Variants in FBXL20 observed in about 807,000 individuals in gnomAD.
FBXL20 encodes the protein F-box/LRR-repeat protein 20.
A neutral mutation model predicts 64.0 loss-of-function variants in FBXL20; 11 were observed. That is an observed-to-expected ratio of 0.17 (90% confidence interval 0.11 to 0.28). The LOEUF (loss-of-function observed/expected upper bound fraction) is 0.28, where lower values mean the gene tolerates loss of function less well. Ranked by LOEUF, FBXL20 falls within the 10% of genes least tolerant of loss-of-function variation. The probability of loss-of-function intolerance (pLI) is 1.00; values close to 1 mark genes in which losing one functional copy is unlikely to be tolerated. For synonymous variants in FBXL20, 184 were observed against 189.0 expected, an observed-to-expected ratio of 0.97 and a Z score of 0.22; for missense variants, 303 against 526.2, an observed-to-expected ratio of 0.58 and a Z score of 4.15.
chr17:39,369,249 T>C (rs928387619), intron 1 of FBXL20, among the ~76,000 whole-genome samples: 6 of 147,852 alleles, frequency 4.1e-5, no homozygotes, highest in African/African-American at 1.5e-4. Context: ...AGAATTAGAA[T>C]TCAATGCTTT....
intron 2 of FBXL20, among the ~76,000 whole-genome samples, chr17:39,329,683 C>G (rs1297626216): frequency 6.6e-6 from 1 of 151,928 alleles, no homozygotes; most frequent in Non-Finnish European, 1.5e-5. Flanking sequence ...TAACTTATCT[C>G]TAATGGTTCA....
At chr17:39,323,404 T>A (rs1265851754) in intron 2 of FBXL20, among the ~76,000 whole-genome samples, 1 of 152,180 alleles carries the variant, frequency 6.6e-6, no homozygotes, top group East Asian at 1.9e-4. Context: ...GAAGCATATA[T>A]TCTTGTTGAA....
intron 2 of FBXL20, among the ~76,000 whole-genome samples, chr17:39,309,311 A>G (rs2047210541): frequency 6.6e-6 from 1 of 152,156 alleles, no homozygotes; most frequent in African/African-American, 2.4e-5. Flanking sequence ...ATTCAGACTG[A>G]GTCCTGAATT....
At chr17:39,376,693 G>A (rs2047970331) in intron 1 of FBXL20, among the ~76,000 whole-genome samples, 1 of 152,184 alleles carries the variant, frequency 6.6e-6, no homozygotes, top group Non-Finnish European at 1.5e-5. Flanking sequence ...TTTTTGTACA[G>A]TCATTAGCTG....
At chr17:39,300,422 T>C (rs1375741365) in intron 4 of FBXL20, among the ~76,000 whole-genome samples, 1 of 152,184 alleles carries the variant, frequency 6.6e-6, no homozygotes, top group Non-Finnish European at 1.5e-5. Flanking sequence ...TCAAATTCAG[T>C]TTAAAATAAT....
chr17:39,334,155 A>G (rs1165739715), intron 2 of FBXL20, among the ~76,000 whole-genome samples: 1 of 152,090 alleles, frequency 6.6e-6, no homozygotes, highest in African/African-American at 2.4e-5. Flanking sequence ...GGATGTTGTT[A>G]ATCTATAACC....
intron 1 of FBXL20, among the ~76,000 whole-genome samples, chr17:39,373,842 A>C (rs567524781): frequency 1.4e-4 from 22 of 152,326 alleles, no homozygotes; most frequent in Non-Finnish European, 3.1e-4. Flanking sequence ...TTTCAACTAA[A>C]AGTGAAGATG....
intron 9 of FBXL20, among the ~76,000 whole-genome samples, chr17:39,278,056 A>C (rs1293714392): frequency 6.6e-6 from 1 of 152,180 alleles, no homozygotes; most frequent in Non-Finnish European, 1.5e-5. Context: ...AAATGTACAT[A>C]TTTATGTCTA....
At chr17:39,363,488 T>C (rs2047819823) in intron 1 of FBXL20, among the ~76,000 whole-genome samples, 1 of 151,970 alleles carries the variant, frequency 6.6e-6, no homozygotes, top group Non-Finnish European at 1.5e-5. Context: ...TATCTGAGTG[T>C]TTATAAATTA....
intron 6 of FBXL20, among the ~76,000 whole-genome samples, chr17:39,295,228 A>G (rs2047073865): frequency 2.6e-5 from 4 of 152,188 alleles, no homozygotes; most frequent in Admixed American, 2.0e-4. Context: ...AGTCAGCAGA[A>G]GTAATTTCTC....
intron 7 of FBXL20, among the ~76,000 whole-genome samples, chr17:39,283,642 A>C (rs2046966267): frequency 6.6e-6 from 1 of 151,914 alleles, no homozygotes; most frequent in African/African-American, 2.4e-5. Context: ...AGCCTTTTAA[A>C]CTTTTATTTT....
At chr17:39,295,171 G>A (rs973792212) in intron 6 of FBXL20, among the ~76,000 whole-genome samples, 5 of 152,080 alleles carry the variant, frequency 3.3e-5, no homozygotes, top group Non-Finnish European at 7.4e-5. Context: ...CTCATTACAC[G>A]TTTTTGTCTA....
chr17:39,371,511 C>A (rs1036492016), intron 1 of FBXL20, among the ~76,000 whole-genome samples: 2 of 152,094 alleles, frequency 1.3e-5, no homozygotes, highest in Non-Finnish European at 2.9e-5. Flanking sequence ...ATTGTATAGA[C>A]TTCTCACTTA....
chr17:39,379,589 G>A (rs998251414), intron 1 of FBXL20, among the ~76,000 whole-genome samples: 4 of 151,422 alleles, frequency 2.6e-5, no homozygotes, highest in Admixed American at 6.6e-5. Context: ...AGACCAGCCC[G>A]GGCTACACAG....
intron 1 of FBXL20, among the ~76,000 whole-genome samples, chr17:39,371,817 C>T (rs566026143): frequency 6.6e-6 from 1 of 152,074 alleles, no homozygotes; most frequent in African/African-American, 2.4e-5. Flanking sequence ...CGCGCCACCT[C>T]GCCCAGCTAA....
intron 2 of FBXL20, among the ~76,000 whole-genome samples, chr17:39,314,250 C>T (rs1040967264): frequency 3.3e-5 from 5 of 152,144 alleles, no homozygotes; most frequent in South Asian, 2.1e-4. Flanking sequence ...TGTTGTTGCA[C>T]GTATTCATAC....
upstream of FBXL20, chr17:39,402,410 G>A: frequency 2.5e-6 from 1 of 398,356 alleles, no homozygotes. Flanking sequence ...GGCGAGGGTG[G>A]TTGCGCTGAG....
chr17:39,293,308 G>T (rs144498847), intron 6 of FBXL20, among the ~76,000 whole-genome samples: 3 of 151,348 alleles, frequency 2.0e-5, no homozygotes, highest in Non-Finnish European at 4.4e-5. Flanking sequence ...TGCAACCTCC[G>T]CATCCTGGGT....
In FBXL20 at chr17:39,376,938, C is replaced by A. The variant is rs151093763; in HGVS notation, c.42+24423G>T. Among the ~76,000 whole-genome samples, 102 of 152,244 alleles carry A rather than the reference C, an allele frequency of 6.7e-4. 3 individuals carry two copies. The East Asian group carries it at 0.012, about 18-fold the overall frequency. On this transcript the variant is annotated intron_variant, in intron 1 of 14. Coordinates refer to ENST00000264658, the MANE Select transcript of FBXL20 (RefSeq NM_032875.3). ...TAACCGACTCCACCTTGCTTCTAAC[C>A]TCCAAGCTGCCCTTGTTCATTCCTG...
Sources: allele counts gnomAD v4.1 joint callset (sites outside exome capture counted in the v4.1 genomes callset), GRCh38; gene constraint gnomAD v4.1.1; transcripts MANE v1.5; gene names NCBI Gene and HGNC (gene_info 2026-07-23, HGNC 2026-07-21).